MAST4: variants seen among roughly 807,000 people sequenced by gnomAD.
MAST4 encodes microtubule associated serine/threonine kinase family member 4.
In MAST4, 89 loss-of-function variants were observed where a neutral mutation model predicts 162.7. The observed-to-expected ratio is 0.55, with a 90% CI of 0.46 to 0.65. The LOEUF is 0.65. Ranked by LOEUF, MAST4 falls within the 30% of genes least tolerant of loss-of-function variation. The probability of loss-of-function intolerance (pLI) is 0.00; values close to 1 mark genes in which losing one functional copy is unlikely to be tolerated. For missense variants in MAST4, 3,153 were observed against 3,374.0 expected (o/e 0.93, Z 1.62); for synonymous variants, 1,479 against 1,361.1 (o/e 1.09, Z -1.91).
intron 4 of MAST4, among the ~76,000 whole-genome samples, chr5:66,935,574 T>C (rs1443511601): frequency 6.6e-6 from 1 of 152,162 alleles, no homozygotes; most frequent in Non-Finnish European, 1.5e-5. Flanking sequence ...GTCCCACTTA[T>C]TGCCAAAGCA....
At chr5:66,759,660 G>A in intron 1 of MAST4, 49 bp from the exon 2 acceptor site, 1 of 1,604,422 alleles carries the variant, frequency 6.2e-7, no homozygotes, top group Non-Finnish European at 8.5e-7. Context: ...TTTCATTCTA[G>A]GCTGTGTTGA....
At chr5:66,772,407 G>C (rs889097744) in intron 2 of MAST4, among the ~76,000 whole-genome samples, 2 of 152,084 alleles carry the variant, frequency 1.3e-5, no homozygotes, top group Admixed American at 1.3e-4. Flanking sequence ...CTTGACATAC[G>C]CTACTGGGTT....
chr5:66,837,894 A>ATATTTTT (rs1554057455), intron 3 of MAST4, among the ~76,000 whole-genome samples: 2 of 53,712 alleles, frequency 3.7e-5, no homozygotes, highest in East Asian at 8.0e-4. Flanking sequence ...ATATATATAT[A>ATATTTTT]TTTTTTTTTT....
At chr5:67,009,054 T>G (rs2150346016) in intron 4 of MAST4, among the ~76,000 whole-genome samples, 1 of 152,298 alleles carries the variant, frequency 6.6e-6, no homozygotes, top group South Asian at 2.1e-4. Flanking sequence ...AACTCCACAT[T>G]TATTAAGCAC....
At chr5:66,620,975 A>G (rs1452706051) in intron 1 of MAST4, among the ~76,000 whole-genome samples, 6 of 152,122 alleles carry the variant, frequency 3.9e-5, no homozygotes, top group African/African-American at 1.4e-4. Flanking sequence ...AGGAAATGAC[A>G]CAGCAGTTAA....
At chr5:66,620,503 G>A (rs1164390803) in intron 1 of MAST4, among the ~76,000 whole-genome samples, 1 of 151,876 alleles carries the variant, frequency 6.6e-6, no homozygotes, top group Non-Finnish European at 1.5e-5. Flanking sequence ...CTAACTGATA[G>A]CCTTTAAAAA....
At chr5:67,017,964 G>A (rs1290459176) in intron 4 of MAST4, among the ~76,000 whole-genome samples, 1 of 152,102 alleles carries the variant, frequency 6.6e-6, no homozygotes, top group Non-Finnish European at 1.5e-5. Context: ...TATATGATTA[G>A]AATAAGACAT....
At chr5:67,133,434 T>C in intron 16 of MAST4, 80 bp from the exon 17 acceptor site, 1 of 1,491,642 alleles carries the variant, frequency 6.7e-7, no homozygotes, top group Non-Finnish European at 9.2e-7. Flanking sequence ...TCTTAGAAAC[T>C]GAGGGGGGAA....
chr5:66,849,243 T>G lies in MAST4; in HGVS notation c.643-50708T>G, dbSNP rs116887956. The stretch of plus-strand genomic sequence containing the variant: ...GGGGTTCTGTCTAGTTTTGTCCAGT[T>G]TGTTCTATTCTGGTTCATACCCCAA... On this transcript the variant is annotated intron_variant, in intron 3 of 28. Transcript: ENST00000403625. Among the ~76,000 whole-genome samples, 5 of 152,252 alleles carry G rather than the reference T, an allele frequency of 3.3e-5. No homozygotes were observed. The East Asian group carries it at 9.7e-4, about 29-fold the overall frequency.
At chr5:66,861,832 C>A (rs961643140) in intron 3 of MAST4, among the ~76,000 whole-genome samples, 1 of 152,136 alleles carries the variant, frequency 6.6e-6, no homozygotes, top group East Asian at 1.9e-4. Context: ...ATAGTGATTA[C>A]ACCCCGGTAG....
chr5:67,096,445 C>G (rs564863040), intron 7 of MAST4, among the ~76,000 whole-genome samples: 1 of 152,264 alleles, frequency 6.6e-6, no homozygotes, highest in African/African-American at 2.4e-5. Context: ...TGATCTGGCT[C>G]TCTTTGCACC....
At chr5:66,997,218 T>C (rs1389483587) in intron 4 of MAST4, among the ~76,000 whole-genome samples, 2 of 152,056 alleles carry the variant, frequency 1.3e-5, no homozygotes, top group Non-Finnish European at 2.9e-5. Context: ...TTTGGACATG[T>C]ACACATATGT....
chr5:67,113,217 G>A (rs1460093052), intron 11 of MAST4, among the ~76,000 whole-genome samples: 2 of 151,078 alleles, frequency 1.3e-5, no homozygotes, highest in Non-Finnish European at 2.9e-5. Flanking sequence ...GGGGGGCTGA[G>A]GCAGGAGAAT....
rs1743889940 is a variant in MAST4 at position 67,166,178 on chromosome 5, C to T, written c.6999C>T (p.His2333=). Residue 2333 remains histidine, a synonymous_variant, in exon 29 of 29, where the codon CAC becomes CAT. Coordinates refer to ENST00000403625, the MANE Select transcript of MAST4 (RefSeq NM_001164664.2). ...VGEKQTLSPK[H]PKPSTVKDCP... is the part of the protein sequence containing the mutation. ...AAAAGCAAACCCTGTCTCCAAAGCACCCCAAACCATCCACTGTGAAAGATT... is the reference window on the plus strand; with the variant it reads ...AAAAGCAAACCCTGTCTCCAAAGCATCCCAAACCATCCACTGTGAAAGATT... 2.6e-6 allele frequency: 4 copies of T among 1,555,916 alleles called. No homozygotes were observed. The highest frequency in any genetic ancestry group is 8.7e-7 in the Non-Finnish European group (1 of 1,149,408).
intron 4 of MAST4, among the ~76,000 whole-genome samples, chr5:66,971,047 A>G (rs898716228): frequency 6.6e-6 from 1 of 152,096 alleles, no homozygotes; most frequent in Non-Finnish European, 1.5e-5. Flanking sequence ...CTGGTTGGAG[A>G]GCCTGTGCCT....
At chr5:66,895,821 C>G (rs1267249884) in intron 3 of MAST4, among the ~76,000 whole-genome samples, 1 of 152,102 alleles carries the variant, frequency 6.6e-6, no homozygotes, top group Non-Finnish European at 1.5e-5. Flanking sequence ...CCCTGTCTCC[C>G]CCTTTTGATA....
rs563361104 is a variant in MAST4, at chr5:66,969,115, G to C, written c.674+69133G>C. Among the ~76,000 whole-genome samples, 6 of 152,308 alleles carry C rather than the reference G, an allele frequency of 3.9e-5. No individual in the cohort carries two copies. The East Asian group carries it at 1.2e-3, about 29-fold the overall frequency. On this transcript the variant is annotated intron_variant, in intron 4 of 28. Coordinates refer to ENST00000403625, the MANE Select transcript of MAST4 (RefSeq NM_001164664.2). Reference sequence around the variant, plus strand: ...GCAATAAGAGAATTGTGAATTGGGGGCTGCTTTTACAAACCCGAAGCCCTT... The same window carrying C: ...GCAATAAGAGAATTGTGAATTGGGGCCTGCTTTTACAAACCCGAAGCCCTT...
At chr5:67,040,641 C>T (rs1344504282) in intron 4 of MAST4, among the ~76,000 whole-genome samples, 1 of 152,196 alleles carries the variant, frequency 6.6e-6, no homozygotes, top group Non-Finnish European at 1.5e-5. Context: ...GTACCTGACC[C>T]TCATGCTACA....
chr5:66,752,019 C>G (rs1753209280), intron 1 of MAST4, among the ~76,000 whole-genome samples: 1 of 151,958 alleles, frequency 6.6e-6, no homozygotes, highest in Non-Finnish European at 1.5e-5. Flanking sequence ...AATTTTCAAC[C>G]CAGAATTTCA....
Sources: gnomAD v4.1 joint callset for allele counts (sites outside exome capture counted in the v4.1 genomes callset) on GRCh38, gnomAD v4.1.1 for gene constraint, MANE v1.5 for transcripts, NCBI Gene and HGNC (gene_info 2026-07-23, HGNC 2026-07-21) for gene names.